ZBED6: variants seen among roughly 807,000 people sequenced by gnomAD.
The protein encoded by ZBED6 is zinc finger BED-type containing 6.
A neutral mutation model predicts 58.4 loss-of-function variants in ZBED6; 40 were observed. The observed-to-expected ratio is 0.68, with a 90% CI of 0.53 to 0.89. The LOEUF is 0.89. Among genes scored for constraint, ZBED6 ranks in the 40% least tolerant of loss-of-function variants. The probability of loss-of-function intolerance (pLI) is 0.00; values close to 1 mark genes in which losing one functional copy is unlikely to be tolerated. For missense variants in ZBED6, 1,057 were observed against 1,003.9 expected (o/e 1.05, Z -0.71); for synonymous variants, 439 against 350.6 (o/e 1.25, Z -2.82).
chr1:203,800,587 C>A, exon 1 of ZBED6: 1 of 786,070 alleles, frequency 1.3e-6, no homozygotes, highest in South Asian at 3.0e-5. Context: ...CACACAAGGG[C>A]TGAAAATTCC....
chr1:203,836,828 C>A (rs1684501417), intron 9 of ZBED6, among the ~76,000 whole-genome samples: 1 of 152,182 alleles, frequency 6.6e-6, no homozygotes, highest in Admixed American at 6.5e-5. Context: ...GTATCACTAA[C>A]TAGTTGATGA....
chr1:203,838,112 T>A (rs993791940), intron 10 of ZBED6, 48 bp downstream of exon 10: 5 of 1,534,392 alleles, frequency 3.3e-6, no homozygotes, highest in Non-Finnish European at 4.5e-6. Context: ...TTATGACACT[T>A]GTGTCTTGTA....
exon 1 of ZBED6, chr1:203,796,506 C>T: frequency 2.5e-6 from 1 of 398,984 alleles, no homozygotes; most frequent in Non-Finnish European, 4.4e-6. Context: ...GGTGCGGATT[C>T]CTATGGGGAA....
chr1:203,797,811 G>C, exon 1 of ZBED6: 2 of 1,536,096 alleles, frequency 1.3e-6, no homozygotes, highest in Non-Finnish European at 1.7e-6. Context: ...GCCTGTTGCA[G>C]ATGCCCCTGC....
In ZBED6 at chr1:203,799,572, C is replaced by CT; in HGVS notation, c.2051dup (p.Met685AsnfsTer6). 1.4e-6 allele frequency: 1 copy of CT among 703,046 alleles called. No individual in the cohort carries two copies. The highest frequency in any genetic ancestry group is 2.6e-6 in the Non-Finnish European group (1 of 385,058). The allele number at this position is 703,046 out of a possible 1,614,324, so 43.6% of individuals were successfully genotyped here. A position where few individuals can be genotyped will look rare whatever the true frequency, so the allele number is the denominator to read the frequency against. On this transcript the variant is annotated frameshift_variant, in exon 1 of 17. Transcript: ENST00000550078. LOFTEE classifies it high-confidence loss of function. ...TGTGCTCACCTCCCTTCAGTGGACTCTAATGACTTATGTTTGTGATATTCT... is the reference window on the plus strand; with the variant it reads ...TGTGCTCACCTCCCTTCAGTGGACTCTTAATGACTTATGTTTGTGATATTCT...
intron 11 of ZBED6, among the ~76,000 whole-genome samples, chr1:203,843,655 C>G (rs1687097590): frequency 1.3e-5 from 2 of 152,168 alleles, no homozygotes; most frequent in South Asian, 4.1e-4. Context: ...CTGGTGTGTT[C>G]TAGCAAAACT....
chr1:203,853,929 T>C (rs1252044327), exon 17 of ZBED6: 3 of 152,692 alleles, frequency 2.0e-5, no homozygotes, highest in Non-Finnish European at 4.4e-5. Context: ...TATTTCGTTT[T>C]TGGAATCAGC....
chr1:203,799,701 A>G, exon 1 of ZBED6: 1 of 716,710 alleles, frequency 1.4e-6, no homozygotes, highest in Non-Finnish European at 2.5e-6. Context: ...GCAGAAACTC[A>G]GAGAAGATTT....
At chr1:203,852,507 C>G (rs1302885242) in exon 17 of ZBED6, 1 of 1,306,290 alleles carries the variant, frequency 7.7e-7, no homozygotes, top group East Asian at 2.5e-5. Flanking sequence ...TAGAATTTGC[C>G]CCAAATCAGA....
exon 17 of ZBED6, chr1:203,852,429 A>C: frequency 6.2e-7 from 1 of 1,605,234 alleles, no homozygotes; most frequent in Non-Finnish European, 8.5e-7. Flanking sequence ...TTAAAAAAAA[A>C]ATCGCCAAAA....
intron 1 of ZBED6, among the ~76,000 whole-genome samples, chr1:203,812,578 A>T (rs1010235775): frequency 1.6e-4 from 17 of 109,306 alleles, no homozygotes; most frequent in South Asian, 1.1e-3. Flanking sequence ...GCCATTCTAA[A>T]TTTTTTTTTT....
intron 11 of ZBED6, among the ~76,000 whole-genome samples, chr1:203,846,076 G>A (rs1239564520): frequency 7.6e-6 from 1 of 131,794 alleles, no homozygotes; most frequent in Non-Finnish European, 1.5e-5. Flanking sequence ...CAGGAGTTTG[G>A]AGACCAGCCT....
intron 1 of ZBED6, 47 bp from the exon 2 acceptor site, chr1:203,816,879 G>A (rs1441905897): frequency 4.0e-6 from 2 of 501,176 alleles, no homozygotes; most frequent in Non-Finnish European, 3.6e-6. Context: ...ATTTGAAGGA[G>A]GAAGAATTTA....
At chr1:203,800,303 A>G (rs770799992) in exon 1 of ZBED6, 6 of 908,522 alleles carry the variant, frequency 6.6e-6, no homozygotes, top group South Asian at 2.8e-5. Flanking sequence ...ACTTTCATCC[A>G]AAACAGATCA....
intron 11 of ZBED6, among the ~76,000 whole-genome samples, chr1:203,843,900 C>T (rs902489591): frequency 2.6e-5 from 4 of 151,934 alleles, no homozygotes; most frequent in Non-Finnish European, 5.9e-5. Flanking sequence ...TCTTGTTGCC[C>T]AGTCTGGAGT....
intron 1 of ZBED6, among the ~76,000 whole-genome samples, chr1:203,816,110 T>C (rs1209224000): frequency 6.6e-6 from 1 of 152,214 alleles, no homozygotes; most frequent in African/African-American, 2.4e-5. Context: ...AACAGGGTTT[T>C]CTCACCTAGT....
chr1:203,841,157 AT>A (rs76329142), intron 11 of ZBED6, among the ~76,000 whole-genome samples: 20 of 110,340 alleles, frequency 1.8e-4, no homozygotes, highest in Admixed American at 2.5e-4. Flanking sequence ...TTTTTTTTTT[AT>A]TTTTTTTTTT....
intron 3 of ZBED6, among the ~76,000 whole-genome samples, chr1:203,820,482 G>GTGTGTGTGTGTGTA (rs1266406820): frequency 1.3e-5 from 2 of 151,852 alleles, no homozygotes; most frequent in Non-Finnish European, 1.5e-5. Context: ...GTGTGTGTGT[G>GTGTGTGTGTGTGTA]TATATTTTGA....
At chr1:203,847,837 T>G in intron 12 of ZBED6, 150 bp downstream of exon 12, 1 of 1,125,572 alleles carries the variant, frequency 8.9e-7, no homozygotes, top group Non-Finnish European at 1.2e-6. Context: ...TCAGTAGTGC[T>G]ATGTAGACCT....
Sources: gnomAD v4.1 joint callset for allele counts (sites outside exome capture counted in the v4.1 genomes callset) on GRCh38, gnomAD v4.1.1 for gene constraint, MANE v1.5 for transcripts, NCBI Gene and HGNC (gene_info 2026-07-23, HGNC 2026-07-21) for gene names.